The following ZNF362 variants were observed in gnomAD, a reference collection of about 807,000 sequenced individuals.
The protein encoded by ZNF362 is zinc finger protein 362.
A neutral mutation model predicts 42.9 loss-of-function variants in ZNF362; 11 were observed. The observed-to-expected ratio is 0.26, with a 90% confidence interval of 0.16 to 0.42. The LOEUF is 0.42. Among genes scored for constraint, ZNF362 ranks in the 20% least tolerant of loss-of-function variants. The pLI, the probability that ZNF362 is intolerant of heterozygous loss-of-function variation, is 1.00. For missense variants in ZNF362, 362 were observed against 576.2 expected, an observed-to-expected ratio of 0.63 and a Z score of 3.81; for synonymous variants, 255 against 257.3, an observed-to-expected ratio of 0.99 and a Z score of 0.09.
At chr1:33,199,423 G>GA in the ZNF362 span, among the ~76,000 whole-genome samples, 2 of 152,014 alleles carry the variant, frequency 1.3e-5, no homozygotes, top group African/African-American at 2.4e-5. Context: ...TACACCCATT[G>GA]AAAATATATT....
At chr1:33,202,541 T>C in the ZNF362 span, among the ~76,000 whole-genome samples, 1 of 147,512 alleles carries the variant, frequency 6.8e-6, no homozygotes, top group African/African-American at 2.5e-5. Context: ...GGGCTTGCAG[T>C]GAGCCGAGAT....
intron 2 of ZNF362, among the ~76,000 whole-genome samples, chr1:33,274,378 GA>G (rs1557791357): frequency 1.3e-5 from 2 of 152,256 alleles, no homozygotes; most frequent in Non-Finnish European, 2.9e-5. Context: ...CCTGGCACAA[GA>G]GAGGCACTTG....
chr1:33,185,168 C>G, the ZNF362 span, among the ~76,000 whole-genome samples: 1 of 152,054 alleles, frequency 6.6e-6, no homozygotes. Flanking sequence ...ATATGTAGGT[C>G]TAATCTCCTC....
chr1:33,253,293 C>T (rs534098688), upstream of ZNF362, among the ~76,000 whole-genome samples: 4 of 148,930 alleles, frequency 2.7e-5, no homozygotes. Flanking sequence ...CTCTCCATCC[C>T]TAGCTTCCTG....
the ZNF362 span, among the ~76,000 whole-genome samples, chr1:33,250,884 A>AAGAAGAAGAAGAAGAAGAAGG: frequency 6.7e-6 from 1 of 150,128 alleles, no homozygotes; most frequent in Non-Finnish European, 1.5e-5. Context: ...GAAGAAGAAG[A>AAGAAGAAGAAGAAGAAGAAGG]AGAAGAAGAA....
At chr1:33,291,346 G>C (rs1646076692) in intron 6 of ZNF362, among the ~76,000 whole-genome samples, 2 of 152,100 alleles carry the variant, frequency 1.3e-5, no homozygotes. Flanking sequence ...TCTTGTTTTT[G>C]TCAGGTTTGC....
At chr1:33,279,054 T>C (rs557742739) in intron 4 of ZNF362, among the ~76,000 whole-genome samples, 1 of 152,216 alleles carries the variant, frequency 6.6e-6, no homozygotes, top group Non-Finnish European at 1.5e-5. Context: ...GAGTAGGGTC[T>C]TGTTCTGTTA....
At chr1:33,219,475 C>T in the ZNF362 span, among the ~76,000 whole-genome samples, 1 of 152,032 alleles carries the variant, frequency 6.6e-6, no homozygotes, top group African/African-American at 2.4e-5. Flanking sequence ...AGGAGCCCAG[C>T]GAGGAAGGGG....
the ZNF362 span, among the ~76,000 whole-genome samples, chr1:33,224,958 C>T: frequency 1.3e-5 from 2 of 152,300 alleles, no homozygotes; most frequent in East Asian, 3.9e-4. Flanking sequence ...TGACAGTGGA[C>T]TTCTCCACAG....
the ZNF362 span, among the ~76,000 whole-genome samples, chr1:33,185,378 C>G: frequency 8.6e-5 from 13 of 151,826 alleles, no homozygotes; most frequent in South Asian, 1.7e-3. Context: ...CCCGCCACCA[C>G]GCCAAGCTAA....
intron 4 of ZNF362, 105 bp downstream of exon 4, chr1:33,276,699 G>A: frequency 8.0e-7 from 1 of 1,248,976 alleles, no homozygotes; most frequent in Non-Finnish European, 1.0e-6. Flanking sequence ...GTAAGAGCAG[G>A]GCGGGCAGGG....
At chr1:33,238,636 T>C in the ZNF362 span, among the ~76,000 whole-genome samples, 1 of 152,060 alleles carries the variant, frequency 6.6e-6, no homozygotes, top group East Asian at 1.9e-4. Context: ...TCCCCAGACT[T>C]CATATGTTAA....
intron 6 of ZNF362, among the ~76,000 whole-genome samples, chr1:33,293,179 C>T (rs560910635): frequency 2.0e-5 from 3 of 152,308 alleles, no homozygotes; most frequent in South Asian, 4.1e-4. Context: ...GAGCCCCACT[C>T]GCCAACGAAT....
chr1:33,153,652 T>C, the ZNF362 span, among the ~76,000 whole-genome samples: 1 of 152,098 alleles, frequency 6.6e-6, no homozygotes, highest in Non-Finnish European at 1.5e-5. Flanking sequence ...TGCTCCCTTA[T>C]GAGGGAGTTG....
At chr1:33,191,960 G>T in the ZNF362 span, among the ~76,000 whole-genome samples, 1 of 152,242 alleles carries the variant, frequency 6.6e-6, no homozygotes, top group Non-Finnish European at 1.5e-5. Context: ...CCTCTGCATA[G>T]TTTCCAGGCA....
chr1:33,275,581 C>T (rs1645938205), intron 2 of ZNF362, among the ~76,000 whole-genome samples: 1 of 152,200 alleles, frequency 6.6e-6, no homozygotes, highest in Non-Finnish European at 1.5e-5. Context: ...AACTGCCCCT[C>T]AGAAAGGCTA....
At chr1:33,264,651 G>T (rs1293207424) in intron 1 of ZNF362, among the ~76,000 whole-genome samples, 1 of 152,108 alleles carries the variant, frequency 6.6e-6, no homozygotes, top group Non-Finnish European at 1.5e-5. Flanking sequence ...GGGTCCAGGA[G>T]CCCAGACTAT....
the ZNF362 span, among the ~76,000 whole-genome samples, chr1:33,228,745 C>T: frequency 6.6e-6 from 1 of 152,216 alleles, no homozygotes; most frequent in African/African-American, 2.4e-5. Flanking sequence ...GACCTCCTAA[C>T]AGACCTCCCT....
chr1:33,296,495 A>C (rs780582008), intron 8 of ZNF362, among the ~76,000 whole-genome samples: 1 of 152,114 alleles, frequency 6.6e-6, no homozygotes, highest in African/African-American at 2.4e-5. Context: ...AATCACCTCA[A>C]TTGAGAACCA....
Sources: gnomAD v4.1 joint callset for allele counts (sites outside exome capture counted in the v4.1 genomes callset) on GRCh38, gnomAD v4.1.1 for gene constraint, MANE v1.5 for transcripts, NCBI Gene and HGNC (gene_info 2026-07-23, HGNC 2026-07-21) for gene names.